Variants in PDIA5 observed in about 807,000 individuals in gnomAD.
The protein encoded by PDIA5 is protein disulfide isomerase family A member 5.
A neutral mutation model predicts 77.6 loss-of-function variants in PDIA5; 58 were observed. The observed-to-expected ratio is 0.75, with a 90% CI of 0.61 to 0.93. The LOEUF (loss-of-function observed/expected upper bound fraction) is 0.93, where lower values mean the gene tolerates loss of function less well. Among genes scored for constraint, PDIA5 ranks in the 40% least tolerant of loss-of-function variants. PDIA5 has a pLI of 0.00. For synonymous variants in PDIA5, 250 were observed against 252.1 expected (o/e 0.99, Z 0.08); for missense variants, 630 against 647.7 (o/e 0.97, Z 0.30).
chr3:123,158,996 C>T (rs1413237477), intron 15 of PDIA5, among the ~76,000 whole-genome samples: 2 of 152,236 alleles, frequency 1.3e-5, no homozygotes, highest in South Asian at 2.1e-4. Context: ...CTAGAAGTTG[C>T]ATTCCATGTG....
At chr3:123,110,344 C>T (rs1934831016) in intron 6 of PDIA5, among the ~76,000 whole-genome samples, 3 of 152,228 alleles carry the variant, frequency 2.0e-5, no homozygotes, top group Admixed American at 2.0e-4. Context: ...AGGCCCCCTC[C>T]TTCTGCCCTG....
chr3:123,161,255 G>T, intron 15 of PDIA5, 66 bp from the exon 16 acceptor site: 1 of 1,534,716 alleles, frequency 6.5e-7, no homozygotes, highest in South Asian at 1.2e-5. Context: ...TGTGCAATCT[G>T]TGTTGTGGGG....
chr3:123,116,323 A>G, intron 8 of PDIA5, 25 bp downstream of exon 8: 1 of 1,544,816 alleles, frequency 6.5e-7, no homozygotes, highest in Non-Finnish European at 8.9e-7. Flanking sequence ...ATTGCCTGGC[A>G]GGGCTGGGTC....
At chr3:123,124,550 G>A (rs1488577512) in intron 10 of PDIA5, among the ~76,000 whole-genome samples, 1 of 152,234 alleles carries the variant, frequency 6.6e-6, no homozygotes, top group African/African-American at 2.4e-5. Context: ...AGGATTTGGT[G>A]TGACTTTGGC....
At position 123,092,340 on chromosome 3, in the gene PDIA5, G is replaced by GTTTT; in HGVS notation, c.170-8_170-5dup. On this transcript the variant is annotated splice_polypyrimidine_tract_variant and intron_variant, in intron 2 of 16. Transcript: ENST00000316218. ...CTTGGTCACAGATGTTTAATTTTTT[G>GTTTT]TTTTTTTTTTACAGAGGTGGCAGCT... 7.4e-7 allele frequency: 1 copy of GTTTT among 1,345,790 alleles called. No individual in the cohort carries two copies. Among genetic ancestry groups the GTTTT allele is most frequent in the Non-Finnish European group, 1.0e-6 (1 of 974,908 alleles). The allele number at this position is 1,345,790 out of a possible 1,614,324, so 83.4% of individuals were successfully genotyped here. A position where few individuals can be genotyped will look rare whatever the true frequency, so the allele number is the denominator to read the frequency against.
In PDIA5 at chr3:123,161,901, A is replaced by G. The variant is rs931190695; in HGVS notation, c.1501A>G (p.Ile501Val). 4 of 1,600,268 alleles carry G rather than the reference A, an allele frequency of 2.5e-6. No homozygotes were observed. The highest frequency in any genetic ancestry group is 3.4e-6 in the Non-Finnish European group (4 of 1,167,806). Residue 501 changes from isoleucine to valine, a missense_variant, in exon 17 of 17, where the codon ATT becomes GTT. Physicochemically the swap from Ile to Val is conservative, Grantham distance 29. Transcript: ENST00000316218. ...GCAGGAATTGGGATTTACCAATTAT[A>G]TTCGAGCCCTCCGGGAGGGAGACCA... ...DRTELGFTNY[I>V]RALREGDHER...
At chr3:123,125,356 G>A (rs547764768) in intron 10 of PDIA5, among the ~76,000 whole-genome samples, 120 of 152,266 alleles carry the variant, frequency 7.9e-4, no homozygotes, top group Non-Finnish European at 1.4e-3. Context: ...AGATGTTACC[G>A]TTCTCTTCAT....
chr3:123,092,916 G>C (rs1220075369), intron 3 of PDIA5, among the ~76,000 whole-genome samples: 1 of 152,080 alleles, frequency 6.6e-6, no homozygotes, highest in Non-Finnish European at 1.5e-5. Context: ...AGAATCAGTG[G>C]GTCAAGCTGT....
chr3:123,112,534 CTTTTTTTTTTTTTTT>C (rs55977938), intron 7 of PDIA5, among the ~76,000 whole-genome samples: 5 of 61,454 alleles, frequency 8.1e-5, no homozygotes, highest in African/African-American at 1.4e-4. Context: ...CAGCCCTATT[CTTTTTTTTTTTTTTT>C]TTTTTTTTTT....
At chr3:123,074,479 T>C (rs577592476) in intron 1 of PDIA5, among the ~76,000 whole-genome samples, 2 of 152,080 alleles carry the variant, frequency 1.3e-5, no homozygotes, top group African/African-American at 2.4e-5. Flanking sequence ...AGCAGTTTTA[T>C]TGAAATACAG....
chr3:123,148,504 G>A (rs1935817736), intron 13 of PDIA5, among the ~76,000 whole-genome samples: 1 of 151,908 alleles, frequency 6.6e-6, no homozygotes, highest in African/African-American at 2.4e-5. Context: ...GGGAGGTTGA[G>A]GCTACAGTGA....
At chr3:123,130,300 G>A (rs1330747796) in intron 10 of PDIA5, among the ~76,000 whole-genome samples, 180 bp from the exon 11 acceptor site, 1 of 152,240 alleles carries the variant, frequency 6.6e-6, no homozygotes, top group African/African-American at 2.4e-5. Flanking sequence ...GAGGTGGGCA[G>A]GGCCACACCA....
At chr3:123,122,667 A>C (rs1935147764) in intron 8 of PDIA5, among the ~76,000 whole-genome samples, 1 of 152,226 alleles carries the variant, frequency 6.6e-6, no homozygotes, top group Non-Finnish European at 1.5e-5. Context: ...TTCTCTAAAG[A>C]GCCCTTTGAT....
At chr3:123,113,792 G>A (rs1265134027) in intron 7 of PDIA5, among the ~76,000 whole-genome samples, 1 of 152,188 alleles carries the variant, frequency 6.6e-6, no homozygotes, top group Non-Finnish European at 1.5e-5. Context: ...ACCTTTGGTG[G>A]TGACAAGGAA....
Position 123,110,987 on chromosome 3 carries a change from T to C in PDIA5, c.524T>C (p.Ile175Thr), listed in dbSNP as rs760892594. 6.8e-5 allele frequency: 109 copies of C among 1,613,390 alleles called. No individual in the cohort carries two copies. Among genetic ancestry groups the C allele is most frequent in the Non-Finnish European group, 9.1e-5 (107 of 1,179,708 alleles). The change falls in exon 7 of 17, where the codon ATC becomes ACC. Residue 175 changes from isoleucine to threonine, a missense_variant. Coordinates refer to ENST00000316218, the MANE Select transcript of PDIA5 (RefSeq NM_006810.4). ...AAGAAGGAAGAGAAGCCGCTCCTGA[T>C]CATGTTTTATGCCCCCTGTGAGTGA... ...LLKKEEKPLLIMFYAPWCSMC... is the reference protein window; with the variant it reads ...LLKKEEKPLLTMFYAPWCSMC...
chr3:123,156,081 A>G (rs984730786), intron 15 of PDIA5, among the ~76,000 whole-genome samples: 1 of 152,166 alleles, frequency 6.6e-6, no homozygotes, highest in Admixed American at 6.5e-5. Flanking sequence ...GGTCAGGCCT[A>G]AAGGTACCAT....
intron 7 of PDIA5, among the ~76,000 whole-genome samples, chr3:123,113,950 G>T (rs1488807545): frequency 6.6e-6 from 1 of 152,218 alleles, no homozygotes; most frequent in Non-Finnish European, 1.5e-5. Context: ...GAATCAGCTG[G>T]AAGATAAACT....
chr3:123,132,269 C>T (rs1488997495), intron 11 of PDIA5, among the ~76,000 whole-genome samples: 1 of 152,176 alleles, frequency 6.6e-6, no homozygotes, highest in African/African-American at 2.4e-5. Flanking sequence ...GTCTCCTGGC[C>T]GCCTCCCCTT....
chr3:123,092,611 G>A (rs906613599), intron 3 of PDIA5, among the ~76,000 whole-genome samples, 169 bp downstream of exon 3: 3 of 152,138 alleles, frequency 2.0e-5, no homozygotes, highest in South Asian at 2.1e-4. Flanking sequence ...GAAGAGTGGT[G>A]TCTGGCTTTC....
Sources: gnomAD v4.1 joint callset for allele counts (sites outside exome capture counted in the v4.1 genomes callset) on GRCh38, gnomAD v4.1.1 for gene constraint, MANE v1.5 for transcripts, NCBI Gene and HGNC (gene_info 2026-07-23, HGNC 2026-07-21) for gene names.